SNAPC1: variants seen among roughly 807,000 people sequenced by gnomAD.
The protein encoded by SNAPC1 is snRNA-activating protein complex subunit 1.
A neutral mutation model predicts 50.1 loss-of-function variants in SNAPC1; 42 were observed. The ratio of observed to expected loss-of-function variants is 0.84; its 90% CI spans 0.65 to 1.08. The LOEUF (loss-of-function observed/expected upper bound fraction) is 1.08, where lower values mean the gene tolerates loss of function less well. Ranked by LOEUF, SNAPC1 falls within the 50% of genes least tolerant of loss-of-function variation. The pLI is 0.00. For synonymous variants in SNAPC1, 164 were observed against 144.2 expected (o/e 1.14, Z -0.98); for missense variants, 477 against 427.3 (o/e 1.12, Z -1.02).
Position 61,767,345 on chromosome 14 carries a change from C to T in SNAPC1, c.422C>T (p.Pro141Leu). 1 of 1,456,230 alleles carries T rather than the reference C, an allele frequency of 6.9e-7. No homozygotes were observed. Among genetic ancestry groups the T allele is most frequent in the Non-Finnish European group, 9.1e-7 (1 of 1,098,348 alleles). 90.2% of individuals were successfully genotyped at this position (1,456,230 alleles called of 1,614,324 possible). A position where few individuals can be genotyped will look rare whatever the true frequency, so the allele number is the denominator to read the frequency against. ...AGAGCATTTCACTTTACAGCAATGC[C>T]CAAATTGGTATGTTGCCTAAAATAA... ...LDRAFHFTAM[P>L]KLLSYRMKKK... The change falls in exon 3 of 10, where the codon CCC (proline) becomes CTC (leucine). Residue 141 changes from proline (P) to leucine (L), a missense_variant. By Grantham distance (98) the Pro-to-Leu change is moderately conservative (BLOSUM62 -3). Coordinates refer to ENST00000216294, the MANE Select transcript of SNAPC1 (RefSeq NM_003082.4).
intron 4 of SNAPC1, among the ~76,000 whole-genome samples, chr14:61,771,817 A>G (rs1316901543): frequency 6.6e-6 from 1 of 152,186 alleles, no homozygotes; most frequent in Non-Finnish European, 1.5e-5. Flanking sequence ...GAAGGTGAGA[A>G]TGGATTTTTA....
chr14:61,776,271 T>A lies in SNAPC1; in HGVS notation c.693+18T>A. 6.2e-7 allele frequency: 1 copy of A among 1,601,890 alleles called. No homozygotes were observed. Among genetic ancestry groups the A allele is most frequent in the Non-Finnish European group, 8.5e-7 (1 of 1,171,402 alleles). On this transcript the variant is annotated intron_variant, in intron 5 of 9. Coordinates refer to ENST00000216294, the MANE Select transcript of SNAPC1 (RefSeq NM_003082.4). Reference sequence around the variant, plus strand: ...ACAGAAAGGTATGCAATCACTTGTTTGGTGCCTCACCATTGTATTTTACAC... The same window carrying A: ...ACAGAAAGGTATGCAATCACTTGTTAGGTGCCTCACCATTGTATTTTACAC...
chr14:61,765,111 C>T (rs754377393), intron 1 of SNAPC1, among the ~76,000 whole-genome samples: 1 of 152,102 alleles, frequency 6.6e-6, no homozygotes, highest in African/African-American at 2.4e-5. Flanking sequence ...TACATAGAAA[C>T]CTATAATATG....
chr14:61,766,811 T>C, intron 1 of SNAPC1, 65 bp from the exon 2 acceptor site: 1 of 925,336 alleles, frequency 1.1e-6, no homozygotes, highest in Non-Finnish European at 1.7e-6. Context: ...AAGTATATAC[T>C]TTTGGCTTTT....
chr14:61,768,784 T>G, intron 4 of SNAPC1, 44 bp downstream of exon 4: 1 of 987,082 alleles, frequency 1.0e-6, no homozygotes, highest in Non-Finnish European at 1.6e-6. Flanking sequence ...AAAATTGTTT[T>G]ATTGCCAACT....
chr14:61,777,261 C>T (rs1014917410), intron 5 of SNAPC1, among the ~76,000 whole-genome samples: 1 of 152,146 alleles, frequency 6.6e-6, no homozygotes, highest in Non-Finnish European at 1.5e-5. Context: ...TAACTTTATT[C>T]CTCTGCATTT....
At chr14:61,786,399 C>T (rs531626281) in intron 8 of SNAPC1, among the ~76,000 whole-genome samples, 217 of 152,196 alleles carry the variant, frequency 1.4e-3, no homozygotes, top group Non-Finnish European at 2.7e-3. Flanking sequence ...CAAACTACTA[C>T]GCTGATAAAG....
intron 1 of SNAPC1, among the ~76,000 whole-genome samples, chr14:61,765,227 A>G (rs1344886414): frequency 6.6e-6 from 1 of 152,194 alleles, no homozygotes; most frequent in Non-Finnish European, 1.5e-5. Context: ...GCACAGCAGA[A>G]CAGTTTCAGA....
At position 61,764,146 on chromosome 14, in the gene SNAPC1, C is replaced by G. The variant is rs771679436; in HGVS notation, c.128+1558C>G. 2.0e-5 allele frequency among the ~76,000 whole-genome samples: 3 copies of G among 152,240 alleles called. No homozygotes were observed. The South Asian group carries it at 6.2e-4, about 32-fold the overall frequency. ...ACGGGATTTCACCATGTTGGCCAGG[C>G]TGGTCAAATGTTCATTATTACTACC... On this transcript the variant is annotated intron_variant, in intron 1 of 9. Coordinates refer to ENST00000216294, the MANE Select transcript of SNAPC1 (RefSeq NM_003082.4).
intron 8 of SNAPC1, among the ~76,000 whole-genome samples, chr14:61,783,369 C>G (rs2140182791): frequency 6.6e-6 from 1 of 151,858 alleles, no homozygotes; most frequent in African/African-American, 2.4e-5. Flanking sequence ...GTGTGCGAAT[C>G]AAACTTATTT....
intron 8 of SNAPC1, among the ~76,000 whole-genome samples, chr14:61,788,538 T>TG (rs538844838): frequency 2.8e-4 from 43 of 152,226 alleles, no homozygotes; most frequent in Admixed American, 9.8e-4. Flanking sequence ...GCTTAGGACA[T>TG]GAACAGGCAA....
chr14:61,775,487 C>T (rs1181359830), intron 4 of SNAPC1, among the ~76,000 whole-genome samples: 1 of 152,148 alleles, frequency 6.6e-6, no homozygotes, highest in African/African-American at 2.4e-5. Flanking sequence ...AACTCCTGAT[C>T]TGGTGATTCT....
chr14:61,783,784 C>T (rs878989876), intron 8 of SNAPC1, among the ~76,000 whole-genome samples: 1 of 151,828 alleles, frequency 6.6e-6, no homozygotes, highest in African/African-American at 2.4e-5. Context: ...GTGATTCGCC[C>T]GCCTTGACCT....
At chr14:61,792,317 T>TA (rs1566594557) in intron 8 of SNAPC1, among the ~76,000 whole-genome samples, 4 of 152,176 alleles carry the variant, frequency 2.6e-5, no homozygotes, top group Non-Finnish European at 5.9e-5. Context: ...GAACCTCTAG[T>TA]GTTTTTGAAA....
Position 61,778,087 on chromosome 14 carries a change from T to G in SNAPC1, c.709T>G (p.Ser237Ala). The change falls in exon 6 of 10, where the codon TCA (serine) becomes GCA (alanine). Residue 237 changes from serine (S) to alanine (A), a missense_variant. By Grantham distance (99) the Ser-to-Ala change is moderately conservative. Transcript: ENST00000216294. ...GCTCTTTTAGAATCCATCCTTAAAG[T>G]CAAAAACTAATGATGGAGAAGAAAA... ...HKDRKNPSLKSKTNDGEEKME... is the reference protein window; with the variant it reads ...HKDRKNPSLKAKTNDGEEKME... 6.3e-7 allele frequency: 1 copy of G among 1,599,070 alleles called. No individual in the cohort carries two copies. The highest frequency in any genetic ancestry group is 8.5e-7 in the Non-Finnish European group (1 of 1,170,564).
At chr14:61,772,738 A>AT (rs2045001546) in intron 4 of SNAPC1, among the ~76,000 whole-genome samples, 1 of 152,096 alleles carries the variant, frequency 6.6e-6, no homozygotes, top group African/African-American at 2.4e-5. Flanking sequence ...GAATGTAAAT[A>AT]TTTTTTCAAC....
intron 4 of SNAPC1, among the ~76,000 whole-genome samples, chr14:61,771,527 A>G (rs2044991454): frequency 6.6e-6 from 1 of 152,240 alleles, no homozygotes; most frequent in Non-Finnish European, 1.5e-5. Context: ...GAGAGAGTTT[A>G]TGTAGAAAAC....
intron 4 of SNAPC1, among the ~76,000 whole-genome samples, chr14:61,770,704 C>T (rs1185486392): frequency 1.3e-5 from 2 of 152,078 alleles, no homozygotes; most frequent in Non-Finnish European, 2.9e-5. Context: ...TCTCCCCCAC[C>T]ACATTGTATG....
chr14:61,778,791 T>G (rs2045052108), intron 6 of SNAPC1, 57 bp from the exon 7 acceptor site: 1 of 1,048,872 alleles, frequency 9.5e-7, no homozygotes, highest in Non-Finnish European at 1.4e-6. Context: ...GGGTATTCAG[T>G]TTTTCACCTA....
Sources: allele counts gnomAD v4.1 joint callset (sites outside exome capture counted in the v4.1 genomes callset), GRCh38; gene constraint gnomAD v4.1.1; transcripts MANE v1.5; gene names NCBI Gene and HGNC (gene_info 2026-07-23, HGNC 2026-07-21).